TPD52: variants seen among roughly 807,000 people sequenced by gnomAD.
The protein encoded by TPD52 is prostate and colon associated protein.
In TPD52, 17 loss-of-function variants were observed where a neutral mutation model predicts 31.3. That is an observed-to-expected ratio of 0.54 (90% CI 0.37 to 0.82). The LOEUF (loss-of-function observed/expected upper bound fraction) is 0.82, where lower values mean the gene tolerates loss of function less well. Among genes scored for constraint, TPD52 ranks in the 40% least tolerant of loss-of-function variants. TPD52 has a pLI of 0.00. For synonymous variants in TPD52, 83 were observed against 89.6 expected (o/e 0.93, Z 0.42); for missense variants, 212 against 240.1 (o/e 0.88, Z 0.77).
intron 1 of TPD52, chr8:80,080,385 G>A (rs750843868): frequency 6.2e-7 from 1 of 1,614,134 alleles, no homozygotes. Flanking sequence ...GATAGCTTTT[G>A]TTCACTCCTG....
intron 1 of TPD52, among the ~76,000 whole-genome samples, chr8:80,136,228 A>G (rs9693489): frequency 0.59 from 85,858 of 145,490 alleles, 26,011 homozygotes; most frequent in East Asian, 0.78. Context: ...AAAAGTTGAC[A>G]TTTAAGAAAA....
intron 1 of TPD52, among the ~76,000 whole-genome samples, chr8:80,075,395 G>GCT (rs1332410964): frequency 2.0e-5 from 3 of 152,198 alleles, no homozygotes; most frequent in Non-Finnish European, 4.4e-5. Context: ...CTGGGACTCA[G>GCT]CTCTGAAAGC....
chr8:80,089,453 G>T (rs1356693069), intron 1 of TPD52, among the ~76,000 whole-genome samples: 3 of 152,252 alleles, frequency 2.0e-5, no homozygotes, highest in Admixed American at 2.0e-4. Flanking sequence ...CAAGACTTCT[G>T]GAGTAAATGG....
At chr8:80,102,949 G>A (rs1340195392) in intron 1 of TPD52, among the ~76,000 whole-genome samples, 2 of 152,192 alleles carry the variant, frequency 1.3e-5, no homozygotes, top group Non-Finnish European at 2.9e-5. Context: ...GCTTCCAGAT[G>A]GCTGAACCCA....
chr8:80,116,063 A>G (rs1807842666), intron 1 of TPD52, among the ~76,000 whole-genome samples: 1 of 152,226 alleles, frequency 6.6e-6, no homozygotes, highest in Non-Finnish European at 1.5e-5. Flanking sequence ...AATATCTACT[A>G]ATATTGAACA....
intron 1 of TPD52, among the ~76,000 whole-genome samples, chr8:80,130,921 C>A (rs1411282211): frequency 6.6e-6 from 1 of 152,158 alleles, no homozygotes. Flanking sequence ...TACTGTTTAA[C>A]CCAAATGCTT....
chr8:80,075,589 T>A (rs568243837), intron 1 of TPD52, among the ~76,000 whole-genome samples: 22 of 152,284 alleles, frequency 1.4e-4, no homozygotes, highest in East Asian at 1.4e-3. Flanking sequence ...CATTTTTTTT[T>A]AAAAGAAAAA....
intron 1 of TPD52, among the ~76,000 whole-genome samples, chr8:80,097,477 T>C (rs1026309932): frequency 6.6e-6 from 1 of 152,190 alleles, no homozygotes. Flanking sequence ...GATTAGATCA[T>C]AGGGGCAGAT....
At chr8:80,086,435 A>G (rs557913319) in intron 1 of TPD52, among the ~76,000 whole-genome samples, 1 of 151,882 alleles carries the variant, frequency 6.6e-6, no homozygotes, top group Non-Finnish European at 1.5e-5. Flanking sequence ...CTAGTTTTTA[A>G]AAGAGGAGGG....
intron 1 of TPD52, among the ~76,000 whole-genome samples, chr8:80,099,542 GCT>G (rs1806581118): frequency 7.1e-6 from 1 of 141,806 alleles, no homozygotes; most frequent in Non-Finnish European, 1.5e-5. Context: ...ATGAAGTCTC[GCT>G]CTGTCACCCA....
At chr8:80,119,154 A>C (rs1808070670) in intron 1 of TPD52, among the ~76,000 whole-genome samples, 1 of 152,228 alleles carries the variant, frequency 6.6e-6, no homozygotes, top group Non-Finnish European at 1.5e-5. Flanking sequence ...ACGTGAAAGA[A>C]GCCAGACACA....
chr8:80,049,292 C>G (rs762623239), intron 5 of TPD52, among the ~76,000 whole-genome samples: 2 of 152,196 alleles, frequency 1.3e-5, no homozygotes, highest in African/African-American at 4.8e-5. Flanking sequence ...CCCATGGAAC[C>G]TGTCCACAGT....
At chr8:80,168,163 A>G (rs993235366) in intron 1 of TPD52, among the ~76,000 whole-genome samples, 3 of 152,224 alleles carry the variant, frequency 2.0e-5, no homozygotes, top group African/African-American at 7.2e-5. Flanking sequence ...AGCCCTAGGT[A>G]TGAGAGAAAG....
At chr8:80,048,863 CTT>C (rs1811108456) in intron 5 of TPD52, among the ~76,000 whole-genome samples, 1 of 152,128 alleles carries the variant, frequency 6.6e-6, no homozygotes, top group Non-Finnish European at 1.5e-5. Flanking sequence ...TTCATAAAAA[CTT>C]AATATTTATT....
downstream of TPD52, among the ~76,000 whole-genome samples, chr8:80,032,075 C>T (rs1289113958): frequency 6.7e-6 from 1 of 150,132 alleles, no homozygotes; most frequent in African/African-American, 2.5e-5. Context: ...ATCACTTGAA[C>T]CCAGGAGGTG....
chr8:80,088,681 A>G (rs1816014391), intron 1 of TPD52, among the ~76,000 whole-genome samples: 1 of 152,140 alleles, frequency 6.6e-6, no homozygotes, highest in African/African-American at 2.4e-5. Context: ...CATGTGTTGA[A>G]GCCCTAACTC....
At chr8:80,096,188 C>G (rs1816720168) in intron 1 of TPD52, among the ~76,000 whole-genome samples, 1 of 152,066 alleles carries the variant, frequency 6.6e-6, no homozygotes, top group Non-Finnish European at 1.5e-5. Context: ...CCCAGGTGGT[C>G]AAGGCTGCAG....
intron 5 of TPD52, among the ~76,000 whole-genome samples, chr8:80,045,493 G>A (rs1810752980): frequency 1.3e-5 from 2 of 152,194 alleles, no homozygotes; most frequent in East Asian, 1.9e-4. Flanking sequence ...CTAGCATATT[G>A]TAATTAGGAC....
At chr8:80,142,265 G>A (rs1383684528) in intron 1 of TPD52, among the ~76,000 whole-genome samples, 2 of 152,142 alleles carry the variant, frequency 1.3e-5, no homozygotes, top group East Asian at 3.8e-4. Context: ...ATGGAGAGCA[G>A]TTAGCCTAGT....
Sources: gnomAD v4.1 joint callset for allele counts (sites outside exome capture counted in the v4.1 genomes callset) on GRCh38, gnomAD v4.1.1 for gene constraint, MANE v1.5 for transcripts, NCBI Gene and HGNC (gene_info 2026-07-23, HGNC 2026-07-21) for gene names.